The following PLA2G4E variants were observed in gnomAD, a reference collection of about 807,000 sequenced individuals.
PLA2G4E encodes phospholipase A2 group IVE, also known as cytosolic phospholipase A2 epsilon.
In PLA2G4E, 84 loss-of-function variants were observed where a neutral mutation model predicts 109.1. The ratio of observed to expected loss-of-function variants is 0.77; its 90% CI spans 0.65 to 0.92. PLA2G4E has a LOEUF of 0.92. Among genes scored for constraint, PLA2G4E ranks in the 40% least tolerant of loss-of-function variants. The pLI, the probability that PLA2G4E is intolerant of heterozygous loss-of-function variation, is 0.00. For synonymous variants in PLA2G4E, 469 were observed against 436.1 expected, an observed-to-expected ratio of 1.08 and a Z score of -0.94; for missense variants, 1,057 against 1,076.6, an observed-to-expected ratio of 0.98 and a Z score of 0.25.
At chr15:42,013,882 G>GTTTTTTTTT in intron 1 of PLA2G4E, 125 bp from the exon 2 acceptor site, 1 of 132,742 alleles carries the variant, frequency 7.5e-6, no homozygotes, top group South Asian at 7.0e-5. Flanking sequence ...CCCTAGGCTG[G>GTTTTTTTTT]TTTTTTTTTT....
At chr15:42,027,018 C>T (rs974346099) in intron 1 of PLA2G4E, among the ~76,000 whole-genome samples, 2 of 151,824 alleles carry the variant, frequency 1.3e-5, no homozygotes, top group African/African-American at 4.8e-5. Flanking sequence ...AGGGCATTCA[C>T]TCCACATCAC....
At chr15:42,026,005 A>G (rs1046108103) in intron 1 of PLA2G4E, among the ~76,000 whole-genome samples, 2 of 152,186 alleles carry the variant, frequency 1.3e-5, no homozygotes, top group African/African-American at 4.8e-5. Context: ...CTAGAAGCAA[A>G]TAGGGAAATA....
At chr15:42,012,830 T>C (rs2068550419) in intron 2 of PLA2G4E, among the ~76,000 whole-genome samples, 1 of 152,232 alleles carries the variant, frequency 6.6e-6, no homozygotes, top group Non-Finnish European at 1.5e-5. Flanking sequence ...CCTGTGGCGC[T>C]TGAGTCATTC....
At chr15:42,010,110 C>T in intron 2 of PLA2G4E, 1 of 513,540 alleles carries the variant, frequency 1.9e-6, no homozygotes. Flanking sequence ...TGAACCCTTC[C>T]CTTGGCTTTT....
intron 1 of PLA2G4E, among the ~76,000 whole-genome samples, chr15:42,043,972 C>T (rs535661412): frequency 1.3e-5 from 2 of 152,232 alleles, no homozygotes; most frequent in East Asian, 1.9e-4. Context: ...AAGAACTAAC[C>T]GTAAGTGTAC....
intron 3 of PLA2G4E, 24 bp downstream of exon 3, chr15:42,007,705 C>T: frequency 6.2e-7 from 1 of 1,606,230 alleles, no homozygotes; most frequent in South Asian, 1.1e-5. Context: ...ACAGGGAAGA[C>T]AGGTGCAGTC....
At chr15:42,008,142 C>T (rs1415862392) in intron 2 of PLA2G4E, among the ~76,000 whole-genome samples, 3 of 152,224 alleles carry the variant, frequency 2.0e-5, no homozygotes, top group Non-Finnish European at 4.4e-5. Flanking sequence ...TGAGCAAACA[C>T]CTGCTGGTTT....
In PLA2G4E at chr15:42,033,048, T is replaced by C. The variant is rs936346022; in HGVS notation, c.183+17473A>G. Among the ~76,000 whole-genome samples the C allele has an allele frequency of 7.9e-5, 12 of 152,148 alleles. No homozygotes were observed. The East Asian group carries it at 2.3e-3, about 29-fold the overall frequency. ...ATGTATGAGTGGTATGTTGTGTAAG[T>C]GTGCGAGTGTGTGTTGTATGAGTGT... On this transcript the variant is annotated intron_variant, in intron 1 of 19. Transcript: ENST00000399518.
At chr15:42,018,471 C>A (rs539359103) in intron 1 of PLA2G4E, among the ~76,000 whole-genome samples, 51 of 152,056 alleles carry the variant, frequency 3.4e-4, no homozygotes, top group African/African-American at 1.2e-3. Context: ...AGCTGGGCTG[C>A]AGCCCTGGAG....
chr15:42,043,649 A>T (rs1284274507), intron 1 of PLA2G4E, among the ~76,000 whole-genome samples: 7 of 151,912 alleles, frequency 4.6e-5, no homozygotes, highest in Non-Finnish European at 1.0e-4. Context: ...CACAGGCAAG[A>T]CCCATAAGAC....
intron 1 of PLA2G4E, among the ~76,000 whole-genome samples, chr15:42,014,344 C>G (rs1279656852): frequency 6.6e-6 from 1 of 152,222 alleles, no homozygotes; most frequent in African/African-American, 2.4e-5. Context: ...GGTGCTAATA[C>G]ATGTTCATTA....
intron 1 of PLA2G4E, among the ~76,000 whole-genome samples, chr15:42,032,063 C>A (rs1230548224): frequency 6.6e-6 from 1 of 152,152 alleles, no homozygotes; most frequent in Non-Finnish European, 1.5e-5. Context: ...GACCTCCCAA[C>A]ACCTCCTTGC....
intron 14 of PLA2G4E, 44 bp downstream of exon 14, chr15:41,990,077 C>T (rs182148576): frequency 1.5e-5 from 23 of 1,515,996 alleles, no homozygotes; most frequent in African/African-American, 1.4e-5. Context: ...ACCAAGAAGT[C>T]CCCCCCTCCA....
intron 7 of PLA2G4E, 42 bp from the exon 8 acceptor site, chr15:42,000,324 A>T: frequency 6.6e-7 from 1 of 1,514,836 alleles, no homozygotes; most frequent in Non-Finnish European, 8.9e-7. Context: ...GGAGCCTCTC[A>T]CTACCCACCT....
intron 2 of PLA2G4E, among the ~76,000 whole-genome samples, chr15:42,012,051 C>T (rs2068541610): frequency 6.6e-6 from 1 of 152,212 alleles, no homozygotes; most frequent in African/African-American, 2.4e-5. Flanking sequence ...GCTACTGGAG[C>T]CACTCCTGCT....
At chr15:42,010,293 C>T (rs1038633334) in intron 2 of PLA2G4E, 2 of 375,474 alleles carry the variant, frequency 5.3e-6, no homozygotes, top group Non-Finnish European at 1.1e-5. Context: ...AAATTGTTTT[C>T]CTGTCATTCG....
chr15:42,026,293 A>G (rs1328395065), intron 1 of PLA2G4E, among the ~76,000 whole-genome samples: 1 of 152,206 alleles, frequency 6.6e-6, no homozygotes, highest in African/African-American at 2.4e-5. Flanking sequence ...TATATGATAA[A>G]ATTGGCACCA....
At position 41,983,988 on chromosome 15, in the gene PLA2G4E, G is replaced by T. The variant is rs368876323; in HGVS notation, c.2387-14C>A. On this transcript the variant is annotated splice_polypyrimidine_tract_variant and intron_variant, in intron 19 of 19. Coordinates refer to ENST00000399518, the Ensembl canonical transcript of PLA2G4E. The stretch of plus-strand genomic sequence containing the variant: ...TTCGCTCTACACCTGTGGGCAGCAG[G>T]ATGACTTGTTATAGACTCTGTCATG... 3 of 1,588,168 alleles carry T rather than the reference G, an allele frequency of 1.9e-6. No individual in the cohort carries two copies. The highest frequency in any genetic ancestry group is 1.3e-5 in the African/African-American group (1 of 74,332).
intron 3 of PLA2G4E, 95 bp from the exon 4 acceptor site, chr15:42,006,216 G>A: frequency 6.7e-7 from 1 of 1,501,460 alleles, no homozygotes; most frequent in Middle Eastern, 1.9e-4. Flanking sequence ...CAAGGAGGTA[G>A]GTCTGGGGGA....
Sources: allele counts gnomAD v4.1 joint callset (sites outside exome capture counted in the v4.1 genomes callset), GRCh38; gene constraint gnomAD v4.1.1; transcripts MANE v1.5; gene names NCBI Gene and HGNC (gene_info 2026-07-23, HGNC 2026-07-21).